The following KALRN variants were observed in gnomAD, a reference collection of about 807,000 sequenced individuals.
KALRN encodes kalirin RhoGEF kinase, also known as kalirin.
In KALRN, 70 loss-of-function variants were observed where a neutral mutation model predicts 353.7. The ratio of observed to expected loss-of-function variants is 0.20; its 90% CI spans 0.16 to 0.24. The LOEUF is 0.24. Ranked by LOEUF, KALRN falls within the 10% of genes least tolerant of loss-of-function variation. The pLI, the probability that KALRN is intolerant of heterozygous loss-of-function variation, is 1.00. For missense variants in KALRN, 2,791 were observed against 3,756.7 expected (o/e 0.74, Z 6.72); for synonymous variants, 1,391 against 1,434.8 (o/e 0.97, Z 0.69).
At chr3:124,626,533 A>G (rs1163855974) in intron 34 of KALRN, among the ~76,000 whole-genome samples, 1 of 152,214 alleles carries the variant, frequency 6.6e-6, no homozygotes, top group Non-Finnish European at 1.5e-5. Flanking sequence ...CCAACTGTAC[A>G]TACCAGAACA....
Position 124,227,998 on chromosome 3 carries a change from C to T in KALRN, c.82C>T (p.Arg28Trp). The T allele has an allele frequency of 1.9e-6, 3 of 1,613,868 alleles. No homozygotes were observed. The highest frequency in any genetic ancestry group is 2.5e-6 in the Non-Finnish European group (3 of 1,179,846). Residue 28 changes from arginine (R) to tryptophan (W), a missense_variant, in exon 2 of 60, where the codon CGG becomes TGG. Transcript: ENST00000682506. Reference sequence around the variant, plus strand: ...GGTTTGTTGTCCCACAGGGTCTTTTCGGAATGATGGTTTGAAAGCTTCTGA... The same window carrying T: ...GGTTTGTTGTCCCACAGGGTCTTTTTGGAATGATGGTTTGAAAGCTTCTGA... ...VDAFFRTGSF[R>W]NDGLKASDVL...
intron 6 of KALRN, among the ~76,000 whole-genome samples, chr3:124,304,449 A>C (rs752075376): frequency 4.6e-5 from 7 of 152,200 alleles, no homozygotes; most frequent in South Asian, 2.1e-4. Context: ...TAAATCAGAA[A>C]ACTATTTCTC....
chr3:124,152,064 A>G, intron 1 of KALRN: 2 of 1,361,736 alleles, frequency 1.5e-6, no homozygotes, highest in South Asian at 2.3e-5. Context: ...CATGGAGAAG[A>G]TAATTTAAAG....
chr3:124,509,812 T>C (rs568941570), intron 33 of KALRN, among the ~76,000 whole-genome samples: 3 of 152,358 alleles, frequency 2.0e-5, no homozygotes, highest in Non-Finnish European at 1.5e-5. Context: ...ACTAAACATC[T>C]GTTGCTCACA....
intron 33 of KALRN, chr3:124,519,969 G>A: frequency 2.7e-5 from 19 of 697,580 alleles, no homozygotes; most frequent in Non-Finnish European, 3.3e-5. Flanking sequence ...GGGGACAGAT[G>A]CAATGAGCGT....
At chr3:124,638,708 AAAC>A (rs1230015099) in intron 37 of KALRN, among the ~76,000 whole-genome samples, 1 of 152,064 alleles carries the variant, frequency 6.6e-6, no homozygotes, top group East Asian at 1.9e-4. Context: ...GGTCTTCTGT[AAAC>A]ACTGCTTATT....
At chr3:124,478,867 C>T (rs1262909442) in intron 27 of KALRN, among the ~76,000 whole-genome samples, 2 of 152,238 alleles carry the variant, frequency 1.3e-5, no homozygotes, top group East Asian at 3.8e-4. Context: ...ACACCGCTCT[C>T]TCTGCCTAGG....
At chr3:124,572,722 A>G (rs1028714231) in intron 34 of KALRN, among the ~76,000 whole-genome samples, 2 of 152,222 alleles carry the variant, frequency 1.3e-5, no homozygotes, top group Non-Finnish European at 2.9e-5. Context: ...AGGATAAAAC[A>G]AAAGTTGTCT....
chr3:124,213,419 G>A (rs1325089291), intron 1 of KALRN, among the ~76,000 whole-genome samples: 2 of 151,956 alleles, frequency 1.3e-5, no homozygotes, highest in East Asian at 1.9e-4. Flanking sequence ...GTTAATTCTT[G>A]TGTCTGCTCC....
At chr3:124,498,237 CT>C (rs2064094779) in intron 33 of KALRN, among the ~76,000 whole-genome samples, 1 of 152,230 alleles carries the variant, frequency 6.6e-6, no homozygotes, top group Admixed American at 6.5e-5. Context: ...AGAAACAGTG[CT>C]CACATATTCA....
intron 10 of KALRN, among the ~76,000 whole-genome samples, chr3:124,368,553 G>T (rs1337820895): frequency 3.0e-4 from 45 of 149,742 alleles, no homozygotes; most frequent in Non-Finnish European, 5.6e-4. Context: ...TGGCGGCCGG[G>T]CGGAGACGCT....
At chr3:124,377,899 C>T (rs1284713174) in intron 10 of KALRN, among the ~76,000 whole-genome samples, 1 of 151,970 alleles carries the variant, frequency 6.6e-6, no homozygotes, top group Non-Finnish European at 1.5e-5. Context: ...CATGCTGTAT[C>T]TTTTTCTGTC....
chr3:124,483,043 C>T (rs999156871), intron 28 of KALRN, 143 bp downstream of exon 28: 5 of 667,432 alleles, frequency 7.5e-6, no homozygotes, highest in East Asian at 2.6e-5. Flanking sequence ...ACACTGGCAT[C>T]GCTGTCCTAT....
intron 2 of KALRN, among the ~76,000 whole-genome samples, chr3:124,232,621 C>G (rs1274014713): frequency 6.6e-6 from 1 of 152,120 alleles, no homozygotes; most frequent in African/African-American, 2.4e-5. Flanking sequence ...CATTCCTCTC[C>G]TTTTTTCTAT....
At chr3:124,343,801 G>C (rs2082006488) in intron 9 of KALRN, among the ~76,000 whole-genome samples, 1 of 152,170 alleles carries the variant, frequency 6.6e-6, no homozygotes, top group Admixed American at 6.5e-5. Flanking sequence ...AGTGTCTAGT[G>C]CTTGTTACCC....
intron 33 of KALRN, among the ~76,000 whole-genome samples, chr3:124,556,430 T>C (rs1400158729): frequency 2.0e-5 from 3 of 152,162 alleles, no homozygotes; most frequent in Non-Finnish European, 2.9e-5. Flanking sequence ...CAATTCAAGA[T>C]AAAAGCACAG....
At chr3:124,489,232 A>G (rs925264273) in intron 29 of KALRN, among the ~76,000 whole-genome samples, 4 of 152,232 alleles carry the variant, frequency 2.6e-5, no homozygotes, top group Admixed American at 2.6e-4. Context: ...GCTTGAACCC[A>G]GGAGGCAGAG....
At chr3:124,572,682 TTTA>T (rs2073670987) in intron 34 of KALRN, among the ~76,000 whole-genome samples, 1 of 152,170 alleles carries the variant, frequency 6.6e-6, no homozygotes, top group Non-Finnish European at 1.5e-5. Flanking sequence ...TGAGGTTGGT[TTTA>T]TTATTATGTG....
intron 1 of KALRN, among the ~76,000 whole-genome samples, chr3:124,218,154 GGT>G (rs2077529155): frequency 3.3e-5 from 5 of 152,280 alleles, no homozygotes; most frequent in Admixed American, 3.3e-4. Context: ...GCATCCAAGA[GGT>G]GCTGGACAAT....
Sources: allele counts gnomAD v4.1 joint callset (sites outside exome capture counted in the v4.1 genomes callset), GRCh38; gene constraint gnomAD v4.1.1; transcripts MANE v1.5; gene names NCBI Gene and HGNC (gene_info 2026-07-23, HGNC 2026-07-21).